The following CPPED1 variants were observed in gnomAD, a reference collection of about 807,000 sequenced individuals.
CPPED1 encodes serine/threonine-protein phosphatase CPPED1.
In CPPED1, 28 loss-of-function variants were observed where a neutral mutation model predicts 28.0. The ratio of observed to expected loss-of-function variants is 1.00; its 90% CI spans 0.74 to 1.37. The LOEUF is 1.37. Among genes scored for constraint, CPPED1 ranks in the 40% most tolerant of loss-of-function variants. The pLI is 0.00. For missense variants in CPPED1, 504 were observed against 416.5 expected, an observed-to-expected ratio of 1.21 and a Z score of -1.83; for synonymous variants, 198 against 180.2, an observed-to-expected ratio of 1.10 and a Z score of -0.79.
At chr16:12,752,984 C>T (rs2080340215) in intron 2 of CPPED1, 1 of 151,686 alleles carries the variant, frequency 6.6e-6, no homozygotes, top group African/African-American at 2.4e-5. Context: ...ACTCTCTTGC[C>T]TTTCAGATTC....
At position 12,664,687 on chromosome 16, in the gene CPPED1, C is replaced by G; in HGVS notation, c.*199G>C. ...AAACTGATTTCCAGGATCATTCGCT[C>G]CATTTTAAAGGAAATGCAGTTCTAT... is the stretch of plus-strand genomic sequence containing the variant. On this transcript the variant is annotated 3_prime_UTR_variant, in exon 4 of 4. Transcript: ENST00000381774. The surrounding 1 kb of genome is among the most constrained non-coding windows in gnomAD (Gnocchi z 4.2). 7.0e-7 allele frequency: 1 copy of G among 1,418,962 alleles called. No individual in the cohort carries two copies. The allele number at this position is 1,418,962 out of a possible 1,614,324, so 87.9% of individuals were successfully genotyped here. A position where few individuals can be genotyped will look rare whatever the true frequency, so the allele number is the denominator to read the frequency against.
At chr16:12,703,408 C>T (rs535767821) in intron 3 of CPPED1, among the ~76,000 whole-genome samples, 5 of 152,216 alleles carry the variant, frequency 3.3e-5, no homozygotes, top group African/African-American at 1.2e-4. Flanking sequence ...ATCCACCTCA[C>T]CAGAGGAAAA....
intron 1 of CPPED1, among the ~76,000 whole-genome samples, chr16:12,785,426 CTTTTTT>C (rs796796663): frequency 8.0e-6 from 1 of 124,718 alleles, no homozygotes; most frequent in Non-Finnish European, 1.7e-5. Context: ...AACGTGAATT[CTTTTTT>C]TTTTTTTTTT....
At chr16:12,700,205 T>C (rs557371506) in intron 3 of CPPED1, among the ~76,000 whole-genome samples, 1 of 152,290 alleles carries the variant, frequency 6.6e-6, no homozygotes, top group Non-Finnish European at 1.5e-5. Flanking sequence ...CAGGTTTAGG[T>C]GAAGACCCTT....
intron 2 of CPPED1, among the ~76,000 whole-genome samples, chr16:12,741,370 C>A (rs564560804): frequency 1.4e-5 from 2 of 147,610 alleles, no homozygotes; most frequent in South Asian, 4.3e-4. Flanking sequence ...AGGAGGCTCA[C>A]ATGTGAGTGG....
At chr16:12,786,190 G>A (rs1438720000) in intron 1 of CPPED1, among the ~76,000 whole-genome samples, 2 of 152,212 alleles carry the variant, frequency 1.3e-5, no homozygotes, top group Admixed American at 6.5e-5. Context: ...TGACATCAGC[G>A]TCGCCTGGGA....
intron 1 of CPPED1, among the ~76,000 whole-genome samples, chr16:12,782,382 C>T (rs1209239644): frequency 6.6e-6 from 1 of 152,074 alleles, no homozygotes; most frequent in Non-Finnish European, 1.5e-5. Flanking sequence ...CTTCCAATGC[C>T]AGAGCCAGAT....
chr16:12,716,541 G>A (rs1296190850), intron 2 of CPPED1, among the ~76,000 whole-genome samples: 1 of 152,206 alleles, frequency 6.6e-6, no homozygotes, highest in Non-Finnish European at 1.5e-5. Flanking sequence ...AAGATTCCAT[G>A]CTACAGTCTG....
intron 2 of CPPED1, among the ~76,000 whole-genome samples, chr16:12,751,093 G>T (rs77694752): frequency 2.9e-4 from 44 of 151,794 alleles, no homozygotes; most frequent in Middle Eastern, 6.8e-3. Flanking sequence ...ACAATCAAGA[G>T]AAGCCCAATA....
At chr16:12,796,409 C>T (rs1284622618) in intron 1 of CPPED1, among the ~76,000 whole-genome samples, 2 of 151,872 alleles carry the variant, frequency 1.3e-5, no homozygotes, top group Admixed American at 6.6e-5. Context: ...GCAGGAGAAT[C>T]GCTTGAATCC....
At chr16:12,755,149 CA>C (rs2080357026) in intron 2 of CPPED1, among the ~76,000 whole-genome samples, 1 of 152,106 alleles carries the variant, frequency 6.6e-6, no homozygotes, top group Non-Finnish European at 1.5e-5. Flanking sequence ...AAAATGGGGT[CA>C]AATCATCTCT....
intron 2 of CPPED1, among the ~76,000 whole-genome samples, chr16:12,746,835 T>A (rs1413372991): frequency 6.6e-6 from 1 of 151,912 alleles, no homozygotes; most frequent in Non-Finnish European, 1.5e-5. Context: ...AGGTGGACTG[T>A]GAGAAGTTAA....
chr16:12,660,606 A>G lies in CPPED1; in HGVS notation c.*4280T>C, dbSNP rs2079788808. ...TTATGAAGTTATAAAAATCAGTATTACCTGTCAAGTACTATGTTACATGTG... is the reference window on the plus strand; with the variant it reads ...TTATGAAGTTATAAAAATCAGTATTGCCTGTCAAGTACTATGTTACATGTG... On this transcript the variant is annotated 3_prime_UTR_variant, in exon 4 of 4. Coordinates refer to ENST00000381774, the MANE Select transcript of CPPED1 (RefSeq NM_018340.3). 1 of 152,030 alleles carries G rather than the reference A, an allele frequency of 6.6e-6. No individual in the cohort carries two copies. The highest frequency in any genetic ancestry group is 1.5e-5 in the Non-Finnish European group (1 of 68,030). The allele number at this position is 152,030 out of a possible 1,614,324, so 9.4% of individuals were successfully genotyped here.
chr16:12,727,950 T>C (rs1396456626), intron 2 of CPPED1, among the ~76,000 whole-genome samples: 1 of 152,238 alleles, frequency 6.6e-6, no homozygotes, highest in African/African-American at 2.4e-5. Flanking sequence ...TGTTTTGTCA[T>C]AGAGATCACG....
Position 12,709,186 on chromosome 16 carries a change from T to C in CPPED1, c.290-4137A>G, listed in dbSNP as rs2080066980. ...CCCAAGGACACAGAGCTTCAATGAGTTTCCTGTCTCACGCAGGGTTCTATG... is the reference window on the plus strand; with the variant it reads ...CCCAAGGACACAGAGCTTCAATGAGCTTCCTGTCTCACGCAGGGTTCTATG... On this transcript the variant is annotated intron_variant, in intron 2 of 3. Coordinates refer to ENST00000381774, the MANE Select transcript of CPPED1 (RefSeq NM_018340.3). This position sits in a 1 kb window ranked among gnomAD's most constrained non-coding sequence, Gnocchi z 4.4. Among the ~76,000 whole-genome samples, 1 of 151,988 alleles carries C rather than the reference T, an allele frequency of 6.6e-6. No homozygotes were observed. The highest frequency in any genetic ancestry group is 2.1e-4 in the South Asian group (1 of 4,808).
chr16:12,786,500 G>A (rs896723153), intron 1 of CPPED1, among the ~76,000 whole-genome samples: 1 of 152,080 alleles, frequency 6.6e-6, no homozygotes, highest in Non-Finnish European at 1.5e-5. Context: ...GTCATTGTTA[G>A]GTCTCTGCCT....
chr16:12,715,040 T>A (rs952675406), intron 2 of CPPED1, among the ~76,000 whole-genome samples: 1 of 152,146 alleles, frequency 6.6e-6, no homozygotes, highest in African/African-American at 2.4e-5. Flanking sequence ...CTGCACCATT[T>A]GTTGAAAAGA....
intron 1 of CPPED1, among the ~76,000 whole-genome samples, chr16:12,793,289 T>C (rs1211052874): frequency 6.6e-6 from 1 of 152,244 alleles, no homozygotes; most frequent in South Asian, 2.1e-4. Context: ...GAGTGGCCAG[T>C]GGGTGGGGCT....
intron 2 of CPPED1, among the ~76,000 whole-genome samples, chr16:12,731,398 CAAA>C (rs1356628332): frequency 2.7e-5 from 4 of 150,092 alleles, no homozygotes; most frequent in Non-Finnish European, 5.9e-5. Flanking sequence ...AAAGAGTAAA[CAAA>C]GAAGTTCTGA....
Sources: gnomAD v4.1 joint callset for allele counts (sites outside exome capture counted in the v4.1 genomes callset) on GRCh38, gnomAD v4.1.1 for gene constraint, Gnocchi (gnomAD v3.1) non-coding constraint, MANE v1.5 for transcripts, NCBI Gene and HGNC (gene_info 2026-07-23, HGNC 2026-07-21) for gene names.